RALYL: variants seen among roughly 807,000 people sequenced by gnomAD.
RALYL encodes the protein RALY RNA binding protein like, also known as RNA-binding Raly-like protein.
In RALYL, 29 loss-of-function variants were observed where a neutral mutation model predicts 35.1. The observed-to-expected ratio is 0.83, with a 90% CI of 0.61 to 1.13. RALYL has a LOEUF of 1.13. RALYL is among the 50% of genes most tolerant of loss of function. RALYL has a pLI of 0.00. For missense variants in RALYL, 359 were observed against 360.4 expected (o/e 1.00, Z 0.03); for synonymous variants, 120 against 127.6 (o/e 0.94, Z 0.40).
At chr8:84,824,316 A>C (rs1414405312) in intron 4 of RALYL, among the ~76,000 whole-genome samples, 1 of 152,106 alleles carries the variant, frequency 6.6e-6, no homozygotes, top group East Asian at 1.9e-4. Context: ...AGAAGGTGAG[A>C]GATCTCTACA....
chr8:84,643,266 C>T (rs1163163756), intron 2 of RALYL, among the ~76,000 whole-genome samples: 1 of 151,690 alleles, frequency 6.6e-6, no homozygotes, highest in African/African-American at 2.4e-5. Flanking sequence ...AATACAAATG[C>T]ATAAAACACT....
intron 1 of RALYL, among the ~76,000 whole-genome samples, chr8:84,337,964 T>C (rs147742382): frequency 1.3e-5 from 2 of 152,130 alleles, no homozygotes; most frequent in Non-Finnish European, 2.9e-5. Flanking sequence ...ATATACACTA[T>C]CCATTCATAA....
At chr8:84,819,098 A>G (rs1423252642) in intron 4 of RALYL, among the ~76,000 whole-genome samples, 2 of 152,172 alleles carry the variant, frequency 1.3e-5, no homozygotes, top group Non-Finnish European at 2.9e-5. Context: ...ATAAGGAGAC[A>G]AAGCCAATTT....
At chr8:84,236,593 G>A (rs1236260690) in intron 1 of RALYL, among the ~76,000 whole-genome samples, 1 of 152,160 alleles carries the variant, frequency 6.6e-6, no homozygotes, top group African/African-American at 2.4e-5. Context: ...TAGGATTTGT[G>A]CTGAAAGGAA....
intron 8 of RALYL, among the ~76,000 whole-genome samples, chr8:84,915,839 ATTAT>A (rs1848379262): frequency 6.6e-6 from 1 of 152,090 alleles, no homozygotes; most frequent in South Asian, 2.1e-4. Flanking sequence ...TTATTAGAAA[ATTAT>A]TTGTGATTTC....
intron 3 of RALYL, among the ~76,000 whole-genome samples, chr8:84,775,078 A>G (rs944664897): frequency 1.1e-4 from 17 of 151,980 alleles, no homozygotes; most frequent in African/African-American, 3.6e-4. Context: ...GCCTCCCGAG[A>G]AGCTGGGATT....
At chr8:84,452,159 G>C in intron 1 of RALYL, among the ~76,000 whole-genome samples, 1 of 151,508 alleles carries the variant, frequency 6.6e-6, no homozygotes, top group East Asian at 1.9e-4. Context: ...AAGGCAGTCT[G>C]TCTAACCATC....
chr8:84,647,819 T>G (rs1827821819), intron 2 of RALYL, among the ~76,000 whole-genome samples: 2 of 152,064 alleles, frequency 1.3e-5, no homozygotes, highest in Non-Finnish European at 2.9e-5. Flanking sequence ...ATGTTCAGAA[T>G]TTTAGGCAAG....
chr8:84,677,376 C>G (rs951462367), intron 2 of RALYL, among the ~76,000 whole-genome samples: 1 of 152,022 alleles, frequency 6.6e-6, no homozygotes. Flanking sequence ...ATAATATAAA[C>G]AGTTAAACCT....
intron 2 of RALYL, among the ~76,000 whole-genome samples, chr8:84,623,484 G>A (rs1376925827): frequency 6.6e-6 from 1 of 152,086 alleles, no homozygotes; most frequent in Non-Finnish European, 1.5e-5. Context: ...CTACTGTCCT[G>A]TAAGTTACCA....
intron 1 of RALYL, among the ~76,000 whole-genome samples, chr8:84,399,741 A>C (rs1474007949): frequency 6.6e-6 from 1 of 152,190 alleles, no homozygotes; most frequent in Middle Eastern, 3.2e-3. Flanking sequence ...AACCCTTTCC[A>C]TGGTAAAGGA....
At chr8:84,492,415 G>T (rs1451554890) in intron 1 of RALYL, among the ~76,000 whole-genome samples, 2 of 151,940 alleles carry the variant, frequency 1.3e-5, no homozygotes, top group South Asian at 4.1e-4. Flanking sequence ...TGTTCCAAAA[G>T]CAAACTAAAA....
chr8:84,404,946 T>A (rs981870411), intron 1 of RALYL, among the ~76,000 whole-genome samples: 2 of 152,154 alleles, frequency 1.3e-5, no homozygotes, highest in African/African-American at 4.8e-5. Flanking sequence ...TATTCTATAA[T>A]TGACCACATA....
chr8:84,772,924 T>C (rs1406526942), intron 2 of RALYL, among the ~76,000 whole-genome samples: 2 of 152,210 alleles, frequency 1.3e-5, no homozygotes, highest in Admixed American at 6.5e-5. Context: ...AATGTCTCAC[T>C]AGACATCATT....
At chr8:84,425,013 G>A (rs1450276125) in intron 1 of RALYL, among the ~76,000 whole-genome samples, 1 of 152,090 alleles carries the variant, frequency 6.6e-6, no homozygotes, top group African/African-American at 2.4e-5. Context: ...GTTTGTCTGT[G>A]CCCTGCCCCC....
chr8:84,879,305 A>C (rs1176443236), intron 7 of RALYL, among the ~76,000 whole-genome samples: 1 of 152,160 alleles, frequency 6.6e-6, no homozygotes, highest in East Asian at 1.9e-4. Flanking sequence ...AAGCACATAG[A>C]GAACGAATTT....
chr8:84,704,148 G>A (rs909420264), intron 2 of RALYL, among the ~76,000 whole-genome samples: 16 of 152,132 alleles, frequency 1.1e-4, no homozygotes, highest in Non-Finnish European at 2.9e-5. Flanking sequence ...TTCATGGCCG[G>A]GCATGGTGGC....
At chr8:84,279,491 G>A (rs1408238496) in intron 1 of RALYL, among the ~76,000 whole-genome samples, 1 of 152,134 alleles carries the variant, frequency 6.6e-6, no homozygotes, top group Non-Finnish European at 1.5e-5. Flanking sequence ...AAAATGAAGT[G>A]TATTAATCTT....
chr8:84,865,691 T>G (rs1455101298), intron 6 of RALYL, among the ~76,000 whole-genome samples: 1 of 152,156 alleles, frequency 6.6e-6, no homozygotes, highest in South Asian at 2.1e-4. Context: ...AGCTGTAGTT[T>G]CTTAGTGGAA....
Sources: allele counts gnomAD v4.1 joint callset (sites outside exome capture counted in the v4.1 genomes callset), GRCh38; gene constraint gnomAD v4.1.1; transcripts MANE v1.5; gene names NCBI Gene and HGNC (gene_info 2026-07-23, HGNC 2026-07-21).